MICAL3: variants seen among roughly 807,000 people sequenced by gnomAD.
MICAL3 encodes the protein microtubule associated monooxygenase, calponin and LIM domain containing 3.
A neutral mutation model predicts 207.4 loss-of-function variants in MICAL3; 62 were observed. That is an observed-to-expected ratio of 0.30 (90% confidence interval 0.24 to 0.37). The LOEUF is 0.37. Ranked by LOEUF, MICAL3 falls within the 10% of genes least tolerant of loss-of-function variation. The pLI is 1.00. For missense variants in MICAL3, 2,368 were observed against 2,635.6 expected (o/e 0.90, Z 2.22); for synonymous variants, 1,077 against 1,069.3 (o/e 1.01, Z -0.14).
chr22:17,798,660 G>A (rs1044105834), intron 29 of MICAL3, among the ~76,000 whole-genome samples: 1 of 148,840 alleles, frequency 6.7e-6, no homozygotes, highest in Admixed American at 6.7e-5. Context: ...GATAAATAGT[G>A]TTGGAGCAAT....
In MICAL3 at chr22:17,791,226, C is replaced by T. The variant is rs776314196; in HGVS notation, c.5726G>A (p.Arg1909His). The T allele has an allele frequency of 9.9e-6, 16 of 1,613,732 alleles. No individual in the cohort carries two copies. The highest frequency in any genetic ancestry group is 8.3e-5 in the Admixed American group (5 of 59,992). The change falls in exon 30 of 32, where the codon CGC (arginine) becomes CAC (histidine). Residue 1909 changes from arginine to histidine, a missense_variant. Around this residue, in one of 4 missense-constraint regions of MICAL3, gnomAD observed 1,770 missense variants for 1,863.2 expected, o/e 0.95. Transcript: ENST00000441493. ...CAAGATCATCAGCTCCGACTCGTAG[C>T]GCACCATGGCGTTCTTCTCCTGCAC... ...KLVQEKNAMV[R>H]YESELMIFAR...
chr22:17,979,353 T>C (rs1364740269), intron 1 of MICAL3, among the ~76,000 whole-genome samples: 2 of 152,120 alleles, frequency 1.3e-5, no homozygotes, highest in Non-Finnish European at 1.5e-5. Flanking sequence ...GAGACCAGCC[T>C]GGCCAACGTG....
At chr22:17,993,639 C>G (rs1262957563) in intron 1 of MICAL3, among the ~76,000 whole-genome samples, 1 of 151,990 alleles carries the variant, frequency 6.6e-6, no homozygotes, top group African/African-American at 2.4e-5. Flanking sequence ...AAGTGCCCCC[C>G]GGGAAGCCCC....
chr22:17,988,170 C>A (rs1208642995), intron 1 of MICAL3, among the ~76,000 whole-genome samples: 2 of 152,208 alleles, frequency 1.3e-5, no homozygotes, highest in Non-Finnish European at 2.9e-5. Flanking sequence ...ACTCCTGGCA[C>A]TTGGAAAACA....
chr22:17,888,891 G>A, intron 13 of MICAL3, 143 bp downstream of exon 13: 2 of 574,402 alleles, frequency 3.5e-6, no homozygotes, highest in Non-Finnish European at 6.2e-6. Context: ...AAGCTCCAGA[G>A]ATTTCCCTGA....
At chr22:17,884,200 C>T in intron 16 of MICAL3, 2 of 1,011,332 alleles carry the variant, frequency 2.0e-6, no homozygotes, top group South Asian at 3.1e-5. Context: ...CAGGCCTGAA[C>T]CCTGGCTGGC....
Position 17,900,977 on chromosome 22 carries a change from G to A in MICAL3, c.712C>T (p.Arg238Cys), listed in dbSNP as rs774396658. 6.2e-7 allele frequency: 1 copy of A among 1,613,926 alleles called. No individual in the cohort carries two copies. Among genetic ancestry groups the A allele is most frequent in the Non-Finnish European group, 8.5e-7 (1 of 1,179,840 alleles). Residue 238 changes from arginine (R) to cysteine (C), a missense_variant, in exon 6 of 32, where the codon CGT becomes TGT. Coordinates refer to ENST00000441493, the MANE Select transcript of MICAL3 (RefSeq NM_015241.3). The surrounding 1 kb of genome is among the most constrained non-coding windows in gnomAD (Gnocchi z 4.0). Reference sequence around the variant, plus strand: ...GTGATGGCGATGGCCAGTTTGCCACGGAATTCTTTCCGACGAAACCCTGGA... The same window carrying A: ...GTGATGGCGATGGCCAGTTTGCCACAGAATTCTTTCCGACGAAACCCTGGA... ...TLEGFRRKEFRGKLAIAITAN... is the reference protein window; with the variant it reads ...TLEGFRRKEFCGKLAIAITAN...
At chr22:17,925,013 CG>C (rs1236438087) in intron 1 of MICAL3, among the ~76,000 whole-genome samples, 1 of 152,140 alleles carries the variant, frequency 6.6e-6, no homozygotes, top group Non-Finnish European at 1.5e-5. Flanking sequence ...CAAATAGCAA[CG>C]GGGGGAAAGA....
chr22:17,875,535 C>G, intron 16 of MICAL3: 1 of 1,551,378 alleles, frequency 6.4e-7, no homozygotes, highest in Non-Finnish European at 8.7e-7. Flanking sequence ...AAAAAATCGA[C>G]GAGGAGGTTC....
intron 1 of MICAL3, among the ~76,000 whole-genome samples, chr22:17,970,773 G>A (rs1935374552): frequency 6.7e-6 from 1 of 149,894 alleles, no homozygotes; most frequent in Non-Finnish European, 1.5e-5. Flanking sequence ...TTTTTAATGT[G>A]GAAAATTTTT....
chr22:17,835,450 C>G (rs1419586880), intron 20 of MICAL3, among the ~76,000 whole-genome samples: 1 of 152,240 alleles, frequency 6.6e-6, no homozygotes, highest in Non-Finnish European at 1.5e-5. Context: ...CTAGGGCAGT[C>G]TCTGGGTTGG....
chr22:17,811,344 G>A (rs2062045624), intron 27 of MICAL3: 1 of 154,812 alleles, frequency 6.5e-6, no homozygotes, highest in African/African-American at 2.4e-5. Flanking sequence ...CTTCAGAAGA[G>A]CAGTATCCAT....
intron 17 of MICAL3, among the ~76,000 whole-genome samples, chr22:17,871,144 A>G (rs4819642): frequency 0.22 from 33,931 of 152,110 alleles, 4,017 homozygotes; most frequent in East Asian, 0.3. Context: ...GGGGTCCTCA[A>G]TGCAGGGTCC....
At position 17,896,772 on chromosome 22, in the gene MICAL3, C is replaced by T. The variant is rs1423491693; in HGVS notation, c.1158G>A (p.Gln386=). 6.2e-7 allele frequency: 1 copy of T among 1,613,860 alleles called. No homozygotes were observed. The highest frequency in any genetic ancestry group is 8.5e-7 in the Non-Finnish European group (1 of 1,179,954). Residue 386 remains glutamine, a synonymous_variant, in exon 8 of 32, where the codon CAG becomes CAA. Coordinates refer to ENST00000441493, the MANE Select transcript of MICAL3 (RefSeq NM_015241.3). ...ASENAALVRE[Q]NGHQLLVALV... is the part of the protein sequence containing the mutation. ...GAGCCACTAGTAACTGGTGTCCGTT[C>T]TGCTCCCGCACCAAGGCGGCGTTCT...
intron 1 of MICAL3, among the ~76,000 whole-genome samples, chr22:17,984,465 G>T (rs1355306724): frequency 6.6e-6 from 1 of 152,180 alleles, no homozygotes; most frequent in East Asian, 1.9e-4. Context: ...CTGGAACAGG[G>T]ACCCAGTGGC....
In MICAL3 at chr22:17,817,428, A is replaced by G; in HGVS notation, c.5233T>C (p.Ser1745Pro). Residue 1745 changes from serine (S) to proline (P), a missense_variant, in exon 26 of 32, where the codon TCC becomes CCC. This residue lies in a region of MICAL3 where 1,770 missense variants were observed against 1,863.2 expected (regional missense o/e 0.95). Coordinates refer to ENST00000441493, the MANE Select transcript of MICAL3 (RefSeq NM_015241.3). ...TTCTTCTTGTCCTTCTTGTACCCGG[A>G]GAAGACGGACTTCCACAGGGACTTG... is the stretch of plus-strand genomic sequence containing the variant. ...KPKSLWKSVF[S>P]GYKKDKKKKA... 1.2e-6 allele frequency: 2 copies of G among 1,613,428 alleles called. No homozygotes were observed. The highest frequency in any genetic ancestry group is 2.7e-5 in the African/African-American group (2 of 74,936).
chr22:17,795,026 G>A (rs1020736482), intron 29 of MICAL3, among the ~76,000 whole-genome samples: 14 of 152,346 alleles, frequency 9.2e-5, no homozygotes, highest in African/African-American at 3.1e-4. Flanking sequence ...GCCGCTCAGC[G>A]GTGCAGCTGC....
In MICAL3 at chr22:17,906,660, G is replaced by T; in HGVS notation, c.153C>A (p.His51Gln). 6.2e-7 allele frequency: 1 copy of T among 1,613,990 alleles called. No homozygotes were observed. The highest frequency in any genetic ancestry group is 8.5e-7 in the Non-Finnish European group (1 of 1,179,860). ...AGTAGTTAAGCTTGGACTTGAGCTT[G>T]TGATAGAAGGAGCGGTAGTCCTTTG... is the stretch of plus-strand genomic sequence containing the variant. ...LKPKDYRSFY[H>Q]KLKSKLNYWK... Residue 51 changes from histidine to glutamine, a missense_variant, in exon 2 of 32, where the codon CAC becomes CAA. Around this residue, in one of 4 missense-constraint regions of MICAL3, gnomAD observed 400 missense variants for 547.0 expected, o/e 0.73. Coordinates refer to ENST00000441493, the MANE Select transcript of MICAL3 (RefSeq NM_015241.3).
chr22:17,873,343 C>T (rs184723869), intron 16 of MICAL3, among the ~76,000 whole-genome samples: 4 of 152,378 alleles, frequency 2.6e-5, no homozygotes, highest in Admixed American at 1.3e-4. Context: ...CTGCACAGGC[C>T]GCCTCTGTGT....
Sources: gnomAD v4.1 joint callset for allele counts (sites outside exome capture counted in the v4.1 genomes callset) on GRCh38, gnomAD v4.1.1 for gene constraint, gnomAD v4.1.1 regional missense constraint, Gnocchi (gnomAD v3.1) non-coding constraint, MANE v1.5 for transcripts, NCBI Gene and HGNC (gene_info 2026-07-23, HGNC 2026-07-21) for gene names.